SPSB4: variants seen among roughly 807,000 people sequenced by gnomAD.
SPSB4 encodes the protein SPRY domain-containing SOCS box protein 4.
SPSB4 carries 21 observed loss-of-function variants against 20.9 expected under a neutral mutation model. That is an observed-to-expected ratio of 1.01 (90% CI 0.71 to 1.45). SPSB4 has a LOEUF of 1.45. Ranked by LOEUF, SPSB4 falls within the 40% of genes most tolerant of loss-of-function variation. The pLI is 0.00. For missense variants in SPSB4, 399 were observed against 399.2 expected, an observed-to-expected ratio of 1.00 and a Z score of 0.00; for synonymous variants, 207 against 183.8, an observed-to-expected ratio of 1.13 and a Z score of -1.02.
At position 141,066,668 on chromosome 3, in the gene SPSB4, C is replaced by T. The variant is rs368290058; in HGVS notation, c.564C>T (p.Leu188=). ...TGCTGGACATGGATGAGGGCACACT[C>T]AGCTTCATCGTGGATGGCCAGTACC... ...LVVLDMDEGT[L]SFIVDGQYLG... The change falls in exon 2 of 3, where the codon CTC becomes CTT. Residue 188 remains leucine, a synonymous_variant. Coordinates refer to ENST00000310546, the MANE Select transcript of SPSB4 (RefSeq NM_080862.3). 1 of 1,613,362 alleles carries T rather than the reference C, an allele frequency of 6.2e-7. No homozygotes were observed. Among genetic ancestry groups the T allele is most frequent in the South Asian group, 1.1e-5 (1 of 90,994 alleles).
chr3:141,080,151 G>A (rs1938201146), intron 2 of SPSB4: 1 of 152,244 alleles, frequency 6.6e-6, no homozygotes, highest in South Asian at 2.1e-4. Context: ...TTTGGTTGAG[G>A]TGGATATGGC....
chr3:141,143,035 C>T (rs1245961774), intron 2 of SPSB4, among the ~76,000 whole-genome samples: 2 of 151,916 alleles, frequency 1.3e-5, no homozygotes, highest in East Asian at 3.9e-4. Flanking sequence ...CCAGGATGGT[C>T]TCCATCTCCT....
At chr3:141,108,259 C>T (rs763693303) in intron 2 of SPSB4, among the ~76,000 whole-genome samples, 5 of 152,034 alleles carry the variant, frequency 3.3e-5, no homozygotes, top group Non-Finnish European at 7.4e-5. Context: ...GTGAAGGCCC[C>T]GATGACACCT....
chr3:141,059,273 C>T (rs909040788), intron 1 of SPSB4, among the ~76,000 whole-genome samples: 3 of 152,168 alleles, frequency 2.0e-5, no homozygotes, highest in Admixed American at 1.3e-4. Context: ...TACTATCACA[C>T]TGGGGCTTTG....
At chr3:141,057,846 G>T (rs1937684631) in intron 1 of SPSB4, among the ~76,000 whole-genome samples, 1 of 152,206 alleles carries the variant, frequency 6.6e-6, no homozygotes, top group Non-Finnish European at 1.5e-5. Flanking sequence ...GTCTATAAAG[G>T]AATTCCAGTG....
intron 2 of SPSB4, among the ~76,000 whole-genome samples, chr3:141,109,879 C>G (rs1420876441): frequency 6.6e-6 from 1 of 152,190 alleles, no homozygotes; most frequent in African/African-American, 2.4e-5. Flanking sequence ...TGAGAGAGCC[C>G]AGGTGCTATT....
intron 2 of SPSB4, among the ~76,000 whole-genome samples, chr3:141,083,081 C>T (rs1468681227): frequency 2.0e-5 from 3 of 152,060 alleles, no homozygotes; most frequent in Non-Finnish European, 2.9e-5. Flanking sequence ...TCTAGGCCAT[C>T]TCTGCTTTCT....
intron 2 of SPSB4, among the ~76,000 whole-genome samples, chr3:141,084,419 C>A (rs1446961400): frequency 6.6e-6 from 1 of 152,166 alleles, no homozygotes; most frequent in Non-Finnish European, 1.5e-5. Context: ...ACCTTTGACC[C>A]AAACCAGATG....
chr3:141,075,005 C>G (rs1388094527), intron 2 of SPSB4, among the ~76,000 whole-genome samples: 1 of 152,184 alleles, frequency 6.6e-6, no homozygotes, highest in Non-Finnish European at 1.5e-5. Context: ...GACCAGAGAG[C>G]TGGGAGGCTT....
intron 2 of SPSB4, among the ~76,000 whole-genome samples, chr3:141,091,716 G>A (rs1215019765): frequency 6.6e-6 from 1 of 152,196 alleles, no homozygotes; most frequent in Non-Finnish European, 1.5e-5. Flanking sequence ...AGTAGTGCAG[G>A]TGCTGTTTGC....
intron 2 of SPSB4, among the ~76,000 whole-genome samples, chr3:141,071,580 G>T (rs1938004612): frequency 6.6e-6 from 1 of 151,990 alleles, no homozygotes; most frequent in African/African-American, 2.4e-5. Flanking sequence ...TAACGAATTT[G>T]CCCAAGGCCA....
At chr3:141,075,892 CAAAAAAA>C (rs532646509) in intron 2 of SPSB4, among the ~76,000 whole-genome samples, 1,117 of 68,866 alleles carry the variant, frequency 0.016, 16 homozygotes, top group African/African-American at 0.038. Context: ...ACTAAAAATA[CAAAAAAA>C]AAAAAAAAAA....
chr3:141,078,514 C>T (rs2107785380), intron 2 of SPSB4, among the ~76,000 whole-genome samples: 1 of 152,312 alleles, frequency 6.6e-6, no homozygotes, highest in Admixed American at 6.5e-5. Flanking sequence ...GATCAGGCTC[C>T]CAGTATTGGC....
At chr3:141,143,167 A>G (rs1225823921) in intron 2 of SPSB4, among the ~76,000 whole-genome samples, 1 of 152,098 alleles carries the variant, frequency 6.6e-6, no homozygotes, top group Non-Finnish European at 1.5e-5. Flanking sequence ...TTTGTCTGTT[A>G]TAAGAATCGC....
chr3:141,060,355 C>A (rs1937738879), intron 1 of SPSB4, among the ~76,000 whole-genome samples: 1 of 152,176 alleles, frequency 6.6e-6, no homozygotes, highest in Non-Finnish European at 1.5e-5. Context: ...TAGAAATTTT[C>A]TGTGTGGGCC....
At chr3:141,113,329 T>C (rs1341808035) in intron 2 of SPSB4, among the ~76,000 whole-genome samples, 1 of 152,162 alleles carries the variant, frequency 6.6e-6, no homozygotes, top group Non-Finnish European at 1.5e-5. Flanking sequence ...TTCAAACAAA[T>C]ACTTATGCAT....
chr3:141,072,617 A>G (rs190079577), intron 2 of SPSB4, among the ~76,000 whole-genome samples: 1 of 152,300 alleles, frequency 6.6e-6, no homozygotes, highest in Admixed American at 6.5e-5. Context: ...AAGCCGTGCC[A>G]TGTTTGTACA....
At chr3:141,055,716 G>A (rs2107773896) in intron 1 of SPSB4, among the ~76,000 whole-genome samples, 1 of 152,324 alleles carries the variant, frequency 6.6e-6, no homozygotes, top group East Asian at 1.9e-4. Flanking sequence ...GAGGAACCTG[G>A]CATGTGAGAG....
At chr3:141,084,012 C>T (rs1197625011) in intron 2 of SPSB4, among the ~76,000 whole-genome samples, 1 of 152,098 alleles carries the variant, frequency 6.6e-6, no homozygotes, top group Non-Finnish European at 1.5e-5. Context: ...GGACTCTGCT[C>T]TTTGGCGTCA....
Sources: allele counts gnomAD v4.1 joint callset (sites outside exome capture counted in the v4.1 genomes callset), GRCh38; gene constraint gnomAD v4.1.1; transcripts MANE v1.5; gene names NCBI Gene and HGNC (gene_info 2026-07-23, HGNC 2026-07-21).